The following XPO5 variants were observed in gnomAD, a reference collection of about 807,000 sequenced individuals.
XPO5 encodes exportin 5.
A neutral mutation model predicts 160.6 loss-of-function variants in XPO5; 46 were observed. The ratio of observed to expected loss-of-function variants is 0.29; its 90% CI spans 0.23 to 0.37. XPO5 has a LOEUF of 0.37. Among genes scored for constraint, XPO5 ranks in the 10% least tolerant of loss-of-function variants. XPO5 has a pLI of 1.00. For missense variants in XPO5, 1,090 were observed against 1,463.9 expected (o/e 0.74, Z 4.17); for synonymous variants, 537 against 519.3 (o/e 1.03, Z -0.46).
chr6:43,550,135 C>A (rs1054267204), intron 15 of XPO5, among the ~76,000 whole-genome samples: 2 of 152,180 alleles, frequency 1.3e-5, no homozygotes, highest in African/African-American at 4.8e-5. Context: ...ATCGGAGTCA[C>A]AATTTTACCA....
chr6:43,560,729 T>C (rs1762373313), intron 10 of XPO5, among the ~76,000 whole-genome samples, 195 bp downstream of exon 10: 1 of 152,218 alleles, frequency 6.6e-6, no homozygotes, highest in Admixed American at 6.6e-5. Context: ...AGGGAAAAGC[T>C]GCTGACCTAG....
intron 13 of XPO5, among the ~76,000 whole-genome samples, chr6:43,554,215 T>C (rs189540200): frequency 7.1e-4 from 108 of 151,898 alleles, no homozygotes; most frequent in Admixed American, 2.0e-3. Context: ...GAAGCAATTC[T>C]CCGCCTCAGC....
chr6:43,552,176 G>T (rs1795258902), intron 14 of XPO5, among the ~76,000 whole-genome samples: 1 of 152,132 alleles, frequency 6.6e-6, no homozygotes, highest in African/African-American at 2.4e-5. Flanking sequence ...TCCTGCCTCA[G>T]CCTCCTGAGT....
intron 20 of XPO5, chr6:43,539,281 A>C: frequency 1.3e-6 from 2 of 1,518,392 alleles, no homozygotes; most frequent in Non-Finnish European, 1.8e-6. Flanking sequence ...TGGAGCACTT[A>C]ACACCCAGAC....
chr6:43,526,091 ATCT>A (rs1793569537), intron 27 of XPO5, 170 bp from the exon 28 acceptor site: 1 of 633,926 alleles, frequency 1.6e-6, no homozygotes. Flanking sequence ...CCCATGGCTG[ATCT>A]TCTAGAGATG....
At chr6:43,539,714 C>G (rs1794582187) in intron 20 of XPO5, 4 of 659,600 alleles carry the variant, frequency 6.1e-6, no homozygotes, top group Non-Finnish European at 1.0e-5. Context: ...TTGGTGTTTT[C>G]TCGGAGAAGA....
rs748980631 is a variant in XPO5 at position 43,532,729 on chromosome 6, T to TC, written c.2444-1155dup. On this transcript the variant is annotated intron_variant, in intron 21 of 31. Coordinates refer to ENST00000265351, the MANE Select transcript of XPO5 (RefSeq NM_020750.3). ...CTTCCCTCTGAGACTGGGTTAGGTC[T>TC]CCCGATAAACACTCAGAGCCCTGCC... Among the ~76,000 whole-genome samples the TC allele has an allele frequency of 1.2e-3, 183 of 152,356 alleles. 1 individual carries two copies. Among genetic ancestry groups the TC allele is most frequent in the Non-Finnish European group, 1.9e-3 (128 of 68,042 alleles).
chr6:43,524,350 CT>C (rs1432403984), intron 31 of XPO5, 120 bp downstream of exon 31: 19 of 1,142,076 alleles, frequency 1.7e-5, no homozygotes, highest in Non-Finnish European at 1.9e-5. Context: ...GAAACCCCAT[CT>C]CAAAAAAAAA....
chr6:43,570,919 G>A lies in XPO5; in HGVS notation c.376C>T (p.Arg126Ter). Reference protein sequence around the residue: ...LSRIVVEMIKREWPQHWPDML... With the variant: ...LSRIVVEMIK ...TCAGGCCAATGCTGTGGCCACTCTC[G>A]CTTGATCATTTCCACTACAATTCGA... The change falls in exon 4 of 32, where the codon CGA becomes TGA. Residue 126 changes from arginine to a stop codon, truncating the protein, a stop_gained. Transcript: ENST00000265351. LOFTEE classifies it high-confidence loss of function. 6.2e-7 allele frequency: 1 copy of A among 1,613,592 alleles called. No individual in the cohort carries two copies. The highest frequency in any genetic ancestry group is 2.2e-5 in the East Asian group (1 of 44,854).
At position 43,539,459 on chromosome 6, in the gene XPO5, T is replaced by C. The variant is rs201134741; in HGVS notation, c.2343-5452A>G. ...TTCCTTAATGGGCAGGGAGAAGAGA[T>C]AGATCTCCTCCAGGGACTTGATCTT... On this transcript the variant is annotated intron_variant, in intron 20 of 31. Transcript: ENST00000265351. 991 of 1,574,422 alleles carry C rather than the reference T, an allele frequency of 6.3e-4. 10 individuals are homozygous for C. The East Asian group carries it at 0.017, about 27-fold the overall frequency.
chr6:43,528,265 T>C lies in XPO5; in HGVS notation c.2776-60A>G, dbSNP rs376115629. 3.3e-6 allele frequency: 5 copies of C among 1,509,888 alleles called. No homozygotes were observed. The African/African-American group carries it at 5.6e-5, about 17-fold the overall frequency. The allele number at this position is 1,509,888 out of a possible 1,614,324, so 93.5% of individuals were successfully genotyped here. Reference sequence around the variant, plus strand: ...GGGGAAAGGATTGGAACACATAATATCTAAAGTCAAGTCCACTTCATGATT... The same window carrying C: ...GGGGAAAGGATTGGAACACATAATACCTAAAGTCAAGTCCACTTCATGATT... On this transcript the variant is annotated intron_variant, in intron 24 of 31. Coordinates refer to ENST00000265351, the MANE Select transcript of XPO5 (RefSeq NM_020750.3).
At chr6:43,526,794 A>C in intron 26 of XPO5, 47 bp from the exon 27 acceptor site, 1 of 1,591,492 alleles carries the variant, frequency 6.3e-7, no homozygotes, top group Non-Finnish European at 8.6e-7. Flanking sequence ...GGTATATACT[A>C]CCACAACAGC....
At chr6:43,524,195 T>C (rs1793385314) in intron 31 of XPO5, among the ~76,000 whole-genome samples, 190 bp from the exon 32 acceptor site, 1 of 151,880 alleles carries the variant, frequency 6.6e-6, no homozygotes, top group Non-Finnish European at 1.5e-5. Flanking sequence ...CTACTAAAAA[T>C]ACAAAAAGTA....
At chr6:43,544,920 T>C (rs1380002196) in intron 20 of XPO5, among the ~76,000 whole-genome samples, 2 of 152,190 alleles carry the variant, frequency 1.3e-5, no homozygotes, top group Non-Finnish European at 2.9e-5. Flanking sequence ...TCGCCCAGGC[T>C]GGAGTGCAGT....
At chr6:43,535,278 C>A (rs1452727319) in intron 20 of XPO5, among the ~76,000 whole-genome samples, 3 of 147,532 alleles carry the variant, frequency 2.0e-5, no homozygotes, top group African/African-American at 5.2e-5. Context: ...ACAACAACAA[C>A]AAAACCCCAA....
chr6:43,557,916 A>G (rs965090972), intron 12 of XPO5, among the ~76,000 whole-genome samples: 14 of 151,850 alleles, frequency 9.2e-5, no homozygotes, highest in African/African-American at 3.4e-4. Flanking sequence ...ACCAACATGG[A>G]GAAACCCCAT....
chr6:43,530,005 A>G (rs1379468745), intron 23 of XPO5, among the ~76,000 whole-genome samples: 3 of 151,988 alleles, frequency 2.0e-5, no homozygotes, highest in Non-Finnish European at 4.4e-5. Flanking sequence ...CTGTAACCCC[A>G]GCACTTTGGG....
At chr6:43,560,511 T>C (rs1052045002) in intron 10 of XPO5, among the ~76,000 whole-genome samples, 2 of 152,206 alleles carry the variant, frequency 1.3e-5, no homozygotes, top group African/African-American at 4.8e-5. Flanking sequence ...TTACCTGGAA[T>C]GTGAGCTGAA....
At chr6:43,525,802 G>A (rs1213686616) in intron 28 of XPO5, 37 bp downstream of exon 28, 1 of 1,603,586 alleles carries the variant, frequency 6.2e-7, no homozygotes, top group Non-Finnish European at 8.5e-7. Context: ...CCCCACCTGG[G>A]CAAGGAGTAA....
Sources: gnomAD v4.1 joint callset for allele counts (sites outside exome capture counted in the v4.1 genomes callset) on GRCh38, gnomAD v4.1.1 for gene constraint, MANE v1.5 for transcripts, NCBI Gene and HGNC (gene_info 2026-07-23, HGNC 2026-07-21) for gene names.